Variants in REG3A observed in about 807,000 individuals in gnomAD.
REG3A encodes the protein regenerating family member 3 alpha, also known as regenerating islet-derived protein 3-alpha.
In REG3A, 15 loss-of-function variants were observed where a neutral mutation model predicts 20.5. The observed-to-expected ratio is 0.73, with a 90% CI of 0.49 to 1.12. REG3A has a LOEUF of 1.12. Among genes scored for constraint, REG3A ranks in the 50% most tolerant of loss-of-function variants. The pLI, the probability that REG3A is intolerant of heterozygous loss-of-function variation, is 0.00. For missense variants in REG3A, 224 were observed against 213.1 expected, an observed-to-expected ratio of 1.05 and a Z score of -0.32; for synonymous variants, 93 against 83.2, an observed-to-expected ratio of 1.12 and a Z score of -0.64.
At position 79,157,635 on chromosome 2, in the gene REG3A, A is replaced by G. The variant is rs199733463; in HGVS notation, c.397T>C (p.Trp133Arg). 5.6e-6 allele frequency: 9 copies of G among 1,614,026 alleles called. No homozygotes were observed. Among genetic ancestry groups the G allele is most frequent in the African/African-American group, 1.3e-5 (1 of 74,910 alleles). The change falls in exon 5 of 6, where the codon TGG (tryptophan) becomes CGG (arginine). Residue 133 changes from tryptophan to arginine, a missense_variant. Trp to Arg is a moderately radical substitution (Grantham distance 101). Transcript: ENST00000305165. ...SSSDVMNYFA[W>R]ERNPSTISSP... The stretch of plus-strand genomic sequence containing the variant: ...GAGATGGTGGAGGGATTTCTCTCCC[A>G]TGCAAAGTAATTCATCACATCACTG...
rs936615714 is a variant in REG3A at position 79,159,383 on chromosome 2, G to T, written c.23C>A (p.Pro8His). The T allele has an allele frequency of 4.3e-6, 7 of 1,613,716 alleles. No homozygotes were observed. The highest frequency in any genetic ancestry group is 1.3e-5 in the African/African-American group (1 of 74,814). The change falls in exon 2 of 6, where the codon CCC becomes CAC. Residue 8 changes from proline to histidine, a missense_variant. Coordinates refer to ENST00000305165, the MANE Select transcript of REG3A (RefSeq NM_002580.3). ...GGAAAGCAGCATCCAAGATACACTGGGCAGGGCCATGGGAGGCAGCATAGT... is the reference window on the plus strand; with the variant it reads ...GGAAAGCAGCATCCAAGATACACTGTGCAGGGCCATGGGAGGCAGCATAGT... Reference protein sequence around the residue: MLPPMALPSVSWMLLSCL... With the variant: MLPPMALHSVSWMLLSCL...
At chr2:79,159,506 T>G in intron 1 of REG3A, 67 bp from the exon 2 acceptor site, 1 of 1,148,060 alleles carries the variant, frequency 8.7e-7, no homozygotes, top group Non-Finnish European at 1.3e-6. Context: ...TTTCCTTCTC[T>G]AGTCCCCTAG....
intron 5 of REG3A, 58 bp from the exon 6 acceptor site, chr2:79,157,351 AG>A: frequency 1.3e-6 from 2 of 1,547,276 alleles, no homozygotes; most frequent in Non-Finnish European, 1.8e-6. Context: ...AATCCAATGA[AG>A]GGGCATCCCA....
At position 79,157,091 on chromosome 2, in the gene REG3A, C is replaced by T. The variant is rs1488979130; in HGVS notation, c.*135G>A. 1 of 708,656 alleles carries T rather than the reference C, an allele frequency of 1.4e-6. No homozygotes were observed. Among genetic ancestry groups the T allele is most frequent in the African/African-American group, 1.8e-5 (1 of 56,730 alleles). 43.9% of individuals were successfully genotyped at this position (708,656 alleles called of 1,614,324 possible). A position where few individuals can be genotyped will look rare whatever the true frequency, so the allele number is the denominator to read the frequency against. On this transcript the variant is annotated 3_prime_UTR_variant, in exon 6 of 6. Coordinates refer to ENST00000305165, the MANE Select transcript of REG3A (RefSeq NM_002580.3). ...TGAAATGACAGCGGGGAGGAAGAAA[C>T]AGAAGAAAGATAAGAATGAGGTGGT...
intron 2 of REG3A, 122 bp from the exon 3 acceptor site, chr2:79,158,891 C>A (rs1673382835): frequency 2.8e-6 from 2 of 710,010 alleles, no homozygotes. Flanking sequence ...ACCCCTTCAT[C>A]TTCCCTTATG....
Position 79,159,354 on chromosome 2 carries a change from G to A in REG3A, c.52C>T (p.Leu18Phe), listed in dbSNP as rs1030356720. 1.2e-6 allele frequency: 2 copies of A among 1,613,884 alleles called. No homozygotes were observed. Among genetic ancestry groups the A allele is most frequent in the Non-Finnish European group, 1.7e-6 (2 of 1,179,952 alleles). The change falls in exon 2 of 6, where the codon CTC becomes TTC. Residue 18 changes from leucine to phenylalanine, a missense_variant. Transcript: ENST00000305165. Reference sequence around the variant, plus strand: ...CCTTGAACCTGAGACAGCAGCATGAGGCAGGAAAGCAGCATCCAAGATACA... The same window carrying A: ...CCTTGAACCTGAGACAGCAGCATGAAGCAGGAAAGCAGCATCCAAGATACA... Reference protein sequence around the residue: ...PSVSWMLLSCLMLLSQVQGEE... With the variant: ...PSVSWMLLSCFMLLSQVQGEE...
Position 79,157,245 on chromosome 2 carries a change from A to G in REG3A, c.509T>C (p.Val170Ala). Residue 170 changes from valine (V) to alanine (A), a missense_variant, in exon 6 of 6, where the codon GTC (valine) becomes GCC (alanine). Transcript: ENST00000305165. ...CCTGCACTAGTCAGTGAACTTGCAG[A>G]CATAGGGTAACCTCACATTACAGTT... ...DYNCNVRLPY[V>A]CKFTD 6.2e-7 allele frequency: 1 copy of G among 1,613,996 alleles called. No homozygotes were observed. The highest frequency in any genetic ancestry group is 8.5e-7 in the Non-Finnish European group (1 of 1,179,896).
chr2:79,157,180 A>T lies in REG3A; in HGVS notation c.*46T>A. The T allele has an allele frequency of 6.8e-7, 1 of 1,480,846 alleles. No homozygotes were observed. The highest frequency in any genetic ancestry group is 9.4e-7 in the Non-Finnish European group (1 of 1,058,636). 91.7% of individuals were successfully genotyped at this position (1,480,846 alleles called of 1,614,324 possible). ...GAGTCCTCACACTGGTCTCATGCCC[A>T]TGATGAGTTGCACACCAAACACAGG... is the stretch of plus-strand genomic sequence containing the variant. On this transcript the variant is annotated 3_prime_UTR_variant, in exon 6 of 6. Coordinates refer to ENST00000305165, the MANE Select transcript of REG3A (RefSeq NM_002580.3).
rs866686686 is a variant in REG3A at position 79,158,688 on chromosome 2, G to A, written c.158C>T (p.Ala53Val). The change falls in exon 3 of 6, where the codon GCC becomes GTC. Residue 53 changes from alanine (A) to valine (V), a missense_variant. Ala to Val is a moderately conservative substitution (Grantham distance 64). Coordinates refer to ENST00000305165, the MANE Select transcript of REG3A (RefSeq NM_002580.3). ...CCAGGATTTTGGTGACAAAAACAAG[G>A]CATAGCAGTGGGAGCCATAGGCCTT... The part of the protein sequence containing the change: ...GSKAYGSHCY[A>V]LFLSPKSWTD... The A allele has an allele frequency of 4.3e-6, 7 of 1,614,152 alleles. No homozygotes were observed. The highest frequency in any genetic ancestry group is 5.9e-6 in the Non-Finnish European group (7 of 1,180,020).
chr2:79,159,076 A>G, intron 2 of REG3A: 1 of 581,962 alleles, frequency 1.7e-6, no homozygotes, highest in Admixed American at 3.0e-5. Flanking sequence ...TCCAGTGTAT[A>G]TTAGAGTCCA....
chr2:79,158,628 C>G (rs999641000), intron 3 of REG3A, 23 bp downstream of exon 3: 2 of 1,613,028 alleles, frequency 1.2e-6, no homozygotes, highest in Non-Finnish European at 1.7e-6. Flanking sequence ...CGGTCACCTC[C>G]AACACCACAT....
Position 79,159,420 on chromosome 2 carries a change from G to C in REG3A, c.-15C>G, listed in dbSNP as rs183252208. ...GGAGGCAGCATAGTGTCTGCGACTT[G>C]AGGAGGCAATCAGGAGTCACTAAAG... On this transcript the variant is annotated 5_prime_UTR_variant, in exon 2 of 6. Coordinates refer to ENST00000305165, the MANE Select transcript of REG3A (RefSeq NM_002580.3). The C allele has an allele frequency of 9.3e-6, 15 of 1,613,614 alleles. No individual in the cohort carries two copies. Among genetic ancestry groups the C allele is most frequent in the Non-Finnish European group, 1.3e-5 (15 of 1,179,752 alleles).
intron 2 of REG3A, chr2:79,159,096 C>G (rs554895913): frequency 1.7e-6 from 1 of 586,304 alleles, no homozygotes; most frequent in Non-Finnish European, 3.0e-6. Context: ...ACTTTCCCAC[C>G]AGTGTATATT....
chr2:79,159,297 G>T (rs1198933822), intron 2 of REG3A, 33 bp downstream of exon 2: 2 of 1,609,400 alleles, frequency 1.2e-6, no homozygotes. Context: ...AGGATTCATA[G>T]GGAACCCAGT....
chr2:79,159,571 G>C (rs1673401646), intron 1 of REG3A, 132 bp from the exon 2 acceptor site: 1 of 683,656 alleles, frequency 1.5e-6, no homozygotes, highest in South Asian at 1.8e-5. Flanking sequence ...AATGAGTTGT[G>C]AATCTGTGTA....
intron 2 of REG3A, chr2:79,158,996 T>G (rs1673384973): frequency 5.1e-6 from 3 of 583,974 alleles, no homozygotes; most frequent in Admixed American, 3.0e-5. Context: ...TTCAATACTC[T>G]CCTCACTCTG....
Position 79,158,430 on chromosome 2 carries a change from C to A in REG3A, c.229G>T (p.Val77Leu). The change falls in exon 4 of 6, where the codon GTG (valine) becomes TTG (leucine). Residue 77 changes from valine to leucine, a missense_variant. Transcript: ENST00000305165. ...CCCTCAGCCCCACTGAGCACAGACA[C>A]CAGGTTTCCAGAGGGCCGCTTCTGG... ...ACQKRPSGNL[V>L]SVLSGAEGSF... 1.2e-6 allele frequency: 2 copies of A among 1,614,134 alleles called. No homozygotes were observed. The highest frequency in any genetic ancestry group is 1.7e-6 in the Non-Finnish European group (2 of 1,180,022).
chr2:79,158,460 C>A lies in REG3A; in HGVS notation c.199G>T (p.Ala67Ser), dbSNP rs1444540912. ...SPKSWTDADL[A>S]CQKRPSGNLV... ...TTTCCAGAGGGCCGCTTCTGGCAGG[C>A]CAGCTTTGAGGGCAACAAAGAGAAT... The change falls in exon 4 of 6, where the codon GCC (alanine) becomes TCC (serine). Residue 67 changes from alanine to serine, a missense_variant. Transcript: ENST00000305165. 2.0e-5 allele frequency: 32 copies of A among 1,614,096 alleles called. No homozygotes were observed. The highest frequency in any genetic ancestry group is 2.7e-5 in the Non-Finnish European group (32 of 1,179,988).
Position 79,157,598 on chromosome 2 carries a change from T to A in REG3A, c.434A>T (p.His145Leu). ...TGTGCTTCTCGACAGGCTCGCACAG[T>A]GGCCGGGGCTTGAGATGGTGGAGGG... ...RNPSTISSPG[H>L]CASLSRSTAF... The change falls in exon 5 of 6, where the codon CAC becomes CTC. Residue 145 changes from histidine to leucine, a missense_variant. Physicochemically the swap from His to Leu is moderately conservative, Grantham distance 99 (BLOSUM62 -3). Coordinates refer to ENST00000305165, the MANE Select transcript of REG3A (RefSeq NM_002580.3). 6.2e-7 allele frequency: 1 copy of A among 1,614,164 alleles called. No homozygotes were observed. Among genetic ancestry groups the A allele is most frequent in the Non-Finnish European group, 8.5e-7 (1 of 1,180,006 alleles).
Sources: allele counts gnomAD v4.1 joint callset, GRCh38; gene constraint gnomAD v4.1.1; transcripts MANE v1.5; gene names NCBI Gene and HGNC (gene_info 2026-07-23, HGNC 2026-07-21).